The following NRG2 variants were observed in gnomAD, a reference collection of about 807,000 sequenced individuals.
NRG2 encodes the protein pro-neuregulin-2, membrane-bound isoform.
In NRG2, 27 loss-of-function variants were observed where a neutral mutation model predicts 73.9. The ratio of observed to expected loss-of-function variants is 0.37; its 90% CI spans 0.27 to 0.50. NRG2 has a LOEUF of 0.50. Among genes scored for constraint, NRG2 ranks in the 20% least tolerant of loss-of-function variants. The pLI, the probability that NRG2 is intolerant of heterozygous loss-of-function variation, is 0.96. For missense variants in NRG2, 1,126 were observed against 1,210.1 expected (o/e 0.93, Z 1.03); for synonymous variants, 532 against 541.0 (o/e 0.98, Z 0.23).
intron 1 of NRG2, among the ~76,000 whole-genome samples, chr5:140,013,024 T>C (rs960432168): frequency 7.9e-5 from 12 of 152,148 alleles, no homozygotes; most frequent in Non-Finnish European, 1.6e-4. Flanking sequence ...CCACCTACTC[T>C]TCTAGATGAC....
chr5:139,922,310 A>G (rs2126324779), intron 1 of NRG2, among the ~76,000 whole-genome samples: 1 of 152,352 alleles, frequency 6.6e-6, no homozygotes, highest in Non-Finnish European at 1.5e-5. Flanking sequence ...GTGCCTTACC[A>G]AAGAAAATAT....
chr5:139,919,662 G>C (rs909179462), intron 1 of NRG2, among the ~76,000 whole-genome samples: 1 of 152,148 alleles, frequency 6.6e-6, no homozygotes, highest in African/African-American at 2.4e-5. Context: ...AATGACAAGA[G>C]ATGGGTTTCT....
chr5:139,851,636 C>G lies in NRG2; in HGVS notation c.1740G>C (p.Val580=). Residue 580 remains valine (V), a synonymous_variant, in exon 9 of 10, where the codon GTG becomes GTC. Coordinates refer to ENST00000361474, the MANE Select transcript of NRG2 (RefSeq NM_004883.3). The surrounding 1 kb of genome is among the most constrained non-coding windows in gnomAD (Gnocchi z 4.2). ...RATAPPYHDS[V]DSLRDSPHSE... ...TGTGTGGGGAGTCGCGAAGGGAGTC[C>G]ACGGAATCGTGATAGGGTGGCGCGG... is the stretch of plus-strand genomic sequence containing the variant. 1 of 1,614,056 alleles carries G rather than the reference C, an allele frequency of 6.2e-7. No homozygotes were observed. Among genetic ancestry groups the G allele is most frequent in the Non-Finnish European group, 8.5e-7 (1 of 1,180,024 alleles).
intron 1 of NRG2, among the ~76,000 whole-genome samples, chr5:139,968,765 G>C (rs1016724610): frequency 1.3e-5 from 2 of 152,236 alleles, no homozygotes; most frequent in Admixed American, 6.5e-5. Context: ...AGCCCAGCAA[G>C]AACCCAGCTC....
At chr5:139,941,228 C>T (rs1411623662) in intron 1 of NRG2, among the ~76,000 whole-genome samples, 1 of 151,806 alleles carries the variant, frequency 6.6e-6, no homozygotes, top group Non-Finnish European at 1.5e-5. Flanking sequence ...ACTTCATGGG[C>T]CAAAAGGCAA....
At chr5:139,919,134 G>C (rs1344497925) in intron 1 of NRG2, among the ~76,000 whole-genome samples, 1 of 152,136 alleles carries the variant, frequency 6.6e-6, no homozygotes, top group African/African-American at 2.4e-5. Flanking sequence ...TCTCAGCACA[G>C]ATTAAGCAGG....
In NRG2 at chr5:139,856,891, G is replaced by T. The variant is rs1761841882; in HGVS notation, c.1190-1113C>A. Among the ~76,000 whole-genome samples, 1 of 152,136 alleles carries T rather than the reference G, an allele frequency of 6.6e-6. No homozygotes were observed. Reference sequence around the variant, plus strand: ...GCCCATGCCCACTGACACACAGTTGGATGGAGTTGTAAACAACCAGACCTC... The same window carrying T: ...GCCCATGCCCACTGACACACAGTTGTATGGAGTTGTAAACAACCAGACCTC... On this transcript the variant is annotated intron_variant, in intron 5 of 9. Transcript: ENST00000361474. This position sits in a 1 kb window ranked among gnomAD's most constrained non-coding sequence, Gnocchi z 4.2.
intron 2 of NRG2, among the ~76,000 whole-genome samples, chr5:139,883,304 T>C (rs1317267225): frequency 7.2e-6 from 1 of 139,598 alleles, no homozygotes; most frequent in African/African-American, 2.7e-5. Flanking sequence ...GTCCTCCACA[T>C]TTTCCTCAGC....
At chr5:139,977,791 G>T (rs567871867) in intron 1 of NRG2, among the ~76,000 whole-genome samples, 3 of 152,078 alleles carry the variant, frequency 2.0e-5, no homozygotes, top group Non-Finnish European at 4.4e-5. Context: ...ATAATGCCGC[G>T]TATCTACAAC....
chr5:139,901,461 C>G (rs559902689), intron 1 of NRG2, among the ~76,000 whole-genome samples: 1 of 152,314 alleles, frequency 6.6e-6, no homozygotes, highest in South Asian at 2.1e-4. Context: ...AAGCAACCCC[C>G]AGATGTGGCT....
intron 1 of NRG2, among the ~76,000 whole-genome samples, chr5:139,941,547 C>T (rs1753404167): frequency 6.6e-6 from 1 of 152,034 alleles, no homozygotes; most frequent in Admixed American, 6.6e-5. Context: ...ATATTGATAT[C>T]AATCCATAAG....
chr5:139,885,140 C>T (rs1334092296), intron 2 of NRG2, among the ~76,000 whole-genome samples: 1 of 152,040 alleles, frequency 6.6e-6, no homozygotes, highest in Non-Finnish European at 1.5e-5. Flanking sequence ...GGTAAAAAAG[C>T]CATTGTGTCT....
At chr5:139,890,774 G>T (rs1764167556) in intron 1 of NRG2, among the ~76,000 whole-genome samples, 1 of 152,092 alleles carries the variant, frequency 6.6e-6, no homozygotes, top group South Asian at 2.1e-4. Context: ...GTTCTAAAGG[G>T]CTCTTCAGGT....
intron 1 of NRG2, among the ~76,000 whole-genome samples, chr5:139,993,748 G>A (rs894394753): frequency 1.3e-5 from 2 of 151,976 alleles, no homozygotes; most frequent in African/African-American, 4.8e-5. Context: ...TATATTACAG[G>A]AAATTATTTA....
In NRG2 at chr5:139,871,257, G is replaced by T. The variant is rs117353094; in HGVS notation, c.1112+464C>A. 55 of 165,406 alleles carry T rather than the reference G, an allele frequency of 3.3e-4. No individual in the cohort carries two copies. In the East Asian group the frequency reaches 9.4e-3, roughly 28 times the overall value. 10.2% of individuals were successfully genotyped at this position (165,406 alleles called of 1,614,324 possible). ...CAAAGGGCTCTGGAACCTGTGCTCTGCCTGGCCCTGCCAGGCTCCTCGCTA... is the reference window on the plus strand; with the variant it reads ...CAAAGGGCTCTGGAACCTGTGCTCTTCCTGGCCCTGCCAGGCTCCTCGCTA... On this transcript the variant is annotated intron_variant, in intron 4 of 9. Transcript: ENST00000361474.
chr5:139,899,718 G>C (rs1288052090), intron 1 of NRG2, among the ~76,000 whole-genome samples: 2 of 152,204 alleles, frequency 1.3e-5, no homozygotes, highest in Non-Finnish European at 2.9e-5. Flanking sequence ...AAGAGCCCAG[G>C]AAGTAGATAT....
At chr5:139,970,700 G>A (rs374023220) in intron 1 of NRG2, among the ~76,000 whole-genome samples, 249 of 152,346 alleles carry the variant, frequency 1.6e-3, no homozygotes, top group African/African-American at 5.9e-3. Context: ...AGAGAGCAAA[G>A]AAGAGAAGAA....
At position 139,852,949 on chromosome 5, in the gene NRG2, C is replaced by T; in HGVS notation, c.1371G>A (p.Gly457=). The T allele has an allele frequency of 6.2e-7, 1 of 1,611,534 alleles. No homozygotes were observed. The change falls in exon 7 of 10, where the codon GGG becomes GGA. Residue 457 remains glycine (G), a synonymous_variant. Transcript: ENST00000361474. This position sits in a 1 kb window ranked among gnomAD's most constrained non-coding sequence, Gnocchi z 4.4. ...CTGGGTCCAGCCGGGGGTGGCTGGG[C>T]CCATTGGCCAAGCTCCGGTTCTGAT... The part of the protein sequence containing the change: ...PAHQNRSLAN[G]PSHPRLDPEE...
Position 139,855,687 on chromosome 5 carries a change from G to A in NRG2, c.1281C>T (p.Tyr427=), listed in dbSNP as rs770471877. 6.8e-6 allele frequency: 11 copies of A among 1,613,714 alleles called. No individual in the cohort carries two copies. The South Asian group carries it at 1.1e-4, about 16-fold the overall frequency. ...LVVGIVCVVA[Y]CKTKKQRKQM... is the part of the protein sequence containing the mutation. ...TGACTGACACTCACTTGGTCTTGCA[G>A]TAGGCCACCACACAGACGATGCCCA... Residue 427 remains tyrosine, a synonymous_variant, in exon 6 of 10, where the codon TAC becomes TAT. Transcript: ENST00000361474.
Sources: allele counts gnomAD v4.1 joint callset (sites outside exome capture counted in the v4.1 genomes callset), GRCh38; gene constraint gnomAD v4.1.1; non-coding constraint Gnocchi (gnomAD v3.1); transcripts MANE v1.5; gene names NCBI Gene and HGNC (gene_info 2026-07-23, HGNC 2026-07-21).